The following MTHFD1L variants were observed in gnomAD, a reference collection of about 807,000 sequenced individuals.
MTHFD1L encodes methylenetetrahydrofolate dehydrogenase (NADP+ dependent) 1 like.
A neutral mutation model predicts 119.5 loss-of-function variants in MTHFD1L; 81 were observed. The ratio of observed to expected loss-of-function variants is 0.68; its 90% CI spans 0.57 to 0.82. MTHFD1L has a LOEUF of 0.82. MTHFD1L is among the 40% of genes least tolerant of loss of function. The pLI is 0.00. For missense variants in MTHFD1L, 1,125 were observed against 1,253.4 expected, an observed-to-expected ratio of 0.90 and a Z score of 1.55; for synonymous variants, 430 against 475.2, an observed-to-expected ratio of 0.90 and a Z score of 1.24.
intron 8 of MTHFD1L, among the ~76,000 whole-genome samples, chr6:150,909,945 C>T (rs1448984074): frequency 6.6e-6 from 1 of 152,080 alleles, no homozygotes; most frequent in Admixed American, 6.5e-5. Flanking sequence ...CTTTGGGAGG[C>T]CGAGGCCAGT....
intron 26 of MTHFD1L, among the ~76,000 whole-genome samples, chr6:151,091,459 CAG>C (rs1257550257): frequency 2.0e-5 from 3 of 152,148 alleles, no homozygotes; most frequent in Non-Finnish European, 2.9e-5. Context: ...CCCCAGCACA[CAG>C]GGGGCTTCTG....
At chr6:151,082,185 A>G (rs1346089159) in intron 26 of MTHFD1L, among the ~76,000 whole-genome samples, 1 of 152,212 alleles carries the variant, frequency 6.6e-6, no homozygotes, top group Non-Finnish European at 1.5e-5. Flanking sequence ...ATGAATGAGT[A>G]TGTCGCAAAA....
intron 1 of MTHFD1L, 35 bp from the exon 2 acceptor site, chr6:150,876,055 A>G: frequency 2.0e-6 from 3 of 1,511,994 alleles, no homozygotes; most frequent in Non-Finnish European, 2.7e-6. Flanking sequence ...CTCATTAACC[A>G]AGAAATCACA....
chr6:151,051,796 A>G (rs1392175929), intron 26 of MTHFD1L, among the ~76,000 whole-genome samples: 2 of 152,246 alleles, frequency 1.3e-5, no homozygotes, highest in Non-Finnish European at 2.9e-5. Flanking sequence ...CACAGTGGGC[A>G]GGGTAGGCCA....
chr6:150,879,672 C>T (rs1392071336), intron 4 of MTHFD1L, among the ~76,000 whole-genome samples: 1 of 149,294 alleles, frequency 6.7e-6, no homozygotes, highest in African/African-American at 2.5e-5. Flanking sequence ...CTCTGTCACC[C>T]AGGCTAGAGT....
chr6:151,000,610 C>T (rs1355575742), intron 20 of MTHFD1L, among the ~76,000 whole-genome samples: 1 of 152,070 alleles, frequency 6.6e-6, no homozygotes, highest in Non-Finnish European at 1.5e-5. Context: ...GTAATAATGC[C>T]GAATTTCTCT....
At chr6:150,936,983 G>C (rs771493975) in intron 12 of MTHFD1L, 43 bp downstream of exon 12, 71 of 1,600,636 alleles carry the variant, frequency 4.4e-5, no homozygotes, top group African/African-American at 6.7e-5. Context: ...GGCAAAGTTG[G>C]GGGGAGAGAA....
chr6:150,879,624 GTTTTTTTTTTT>G (rs551381943), intron 4 of MTHFD1L, among the ~76,000 whole-genome samples: 4 of 107,898 alleles, frequency 3.7e-5, no homozygotes, highest in African/African-American at 1.5e-4. Flanking sequence ...TGCCACTGGT[GTTTTTTTTTTT>G]TTTTTTTTTT....
chr6:151,020,383 C>A (rs556572033), intron 24 of MTHFD1L, among the ~76,000 whole-genome samples: 1 of 152,160 alleles, frequency 6.6e-6, no homozygotes, highest in African/African-American at 2.4e-5. Context: ...TTCCTAATGG[C>A]GAGCTCACAG....
chr6:150,965,687 TC>T (rs1797111373), intron 19 of MTHFD1L, among the ~76,000 whole-genome samples: 1 of 151,312 alleles, frequency 6.6e-6, no homozygotes, highest in Admixed American at 6.6e-5. Context: ...AAAGTCAATG[TC>T]TAACATTTCA....
At chr6:150,902,398 C>T (rs1410246860) in intron 7 of MTHFD1L, among the ~76,000 whole-genome samples, 1 of 152,184 alleles carries the variant, frequency 6.6e-6, no homozygotes, top group Non-Finnish European at 1.5e-5. Context: ...ACTCAAGTCT[C>T]AGCAGAGAAA....
At chr6:150,888,061 C>A in intron 7 of MTHFD1L, 80 bp downstream of exon 7, 1 of 1,396,818 alleles carries the variant, frequency 7.2e-7, no homozygotes, top group Non-Finnish European at 9.4e-7. Context: ...AAGCTAAGTG[C>A]TTAATTCAAG....
chr6:151,002,683 C>T (rs1044326226), intron 20 of MTHFD1L, among the ~76,000 whole-genome samples: 1 of 152,178 alleles, frequency 6.6e-6, no homozygotes, highest in African/African-American at 2.4e-5. Context: ...ATTTTTACTG[C>T]GATAATTCAT....
intron 1 of MTHFD1L, among the ~76,000 whole-genome samples, chr6:150,867,099 C>G (rs191027153): frequency 6.6e-6 from 1 of 152,208 alleles, no homozygotes; most frequent in East Asian, 1.9e-4. Context: ...CTCCCCACTC[C>G]CCTTCTCCCA....
chr6:150,931,355 A>C (rs1226392302), intron 11 of MTHFD1L, among the ~76,000 whole-genome samples: 1 of 151,338 alleles, frequency 6.6e-6, no homozygotes. Flanking sequence ...TTTCGGTACA[A>C]TGTTAAAATA....
intron 20 of MTHFD1L, among the ~76,000 whole-genome samples, chr6:150,981,896 G>A (rs1340105444): frequency 2.6e-5 from 4 of 152,074 alleles, no homozygotes; most frequent in Non-Finnish European, 5.9e-5. Flanking sequence ...GACCAGACTG[G>A]GCAACATAGC....
intron 26 of MTHFD1L, among the ~76,000 whole-genome samples, chr6:151,057,623 C>T (rs1317093378): frequency 6.6e-6 from 1 of 152,102 alleles, no homozygotes; most frequent in African/African-American, 2.4e-5. Flanking sequence ...CAGAGTGAGA[C>T]CCTGTCTTAA....
intron 1 of MTHFD1L, among the ~76,000 whole-genome samples, chr6:150,867,198 C>T (rs1778532268): frequency 6.6e-6 from 1 of 152,114 alleles, no homozygotes; most frequent in African/African-American, 2.4e-5. Context: ...TCTCTGTCTT[C>T]TTTTTCTTTT....
At position 151,009,900 on chromosome 6, in the gene MTHFD1L, A is replaced by T. The variant is rs202154575; in HGVS notation, c.2207A>T (p.Asn736Ile). 6.2e-7 allele frequency: 1 copy of T among 1,613,704 alleles called. No homozygotes were observed. Among genetic ancestry groups the T allele is most frequent in the South Asian group, 1.1e-5 (1 of 90,952 alleles). The change falls in exon 21 of 28, where the codon AAC (asparagine) becomes ATC (isoleucine). Residue 736 changes from asparagine (N) to isoleucine (I), a missense_variant. By Grantham distance (149) the Asn-to-Ile change is moderately radical (BLOSUM62 -3). Around this residue, in one of 3 missense-constraint regions of MTHFD1L, gnomAD observed 1,058 missense variants for 1,151.2 expected, o/e 0.92. Transcript: ENST00000367321. ...IKCRASGLVP[N>I]VVVLVATVRA... ...TGCCGAGCTTCCGGCTTGGTGCCCA[A>T]CGTGGTTGTGTTAGTGGCAACGGTG...
Sources: gnomAD v4.1 joint callset for allele counts (sites outside exome capture counted in the v4.1 genomes callset) on GRCh38, gnomAD v4.1.1 for gene constraint, gnomAD v4.1.1 regional missense constraint, MANE v1.5 for transcripts, NCBI Gene and HGNC (gene_info 2026-07-23, HGNC 2026-07-21) for gene names.